Variants in KATNAL1 observed in about 807,000 individuals in gnomAD.
The protein encoded by KATNAL1 is katanin catalytic subunit A1 like 1.
A neutral mutation model predicts 55.2 loss-of-function variants in KATNAL1; 32 were observed. The ratio of observed to expected loss-of-function variants is 0.58; its 90% confidence interval spans 0.44 to 0.78. The LOEUF is 0.78. Ranked by LOEUF, KATNAL1 falls within the 30% of genes least tolerant of loss-of-function variation. KATNAL1 has a pLI of 0.00. For missense variants in KATNAL1, 466 were observed against 600.9 expected, an observed-to-expected ratio of 0.78 and a Z score of 2.35; for synonymous variants, 193 against 193.6, an observed-to-expected ratio of 1.00 and a Z score of 0.02.
chr13:30,279,979 T>A, intron 3 of KATNAL1, 84 bp downstream of exon 3: 1 of 1,235,012 alleles, frequency 8.1e-7, no homozygotes, highest in East Asian at 2.5e-5. Context: ...CCAAAAATAA[T>A]TTTTCATACT....
chr13:30,291,201 C>T (rs1242177679), intron 1 of KATNAL1, among the ~76,000 whole-genome samples: 1 of 152,208 alleles, frequency 6.6e-6, no homozygotes, highest in East Asian at 1.9e-4. Context: ...CCTAGGGAAT[C>T]TGCAAATAGC....
intron 4 of KATNAL1, among the ~76,000 whole-genome samples, chr13:30,251,748 C>T (rs1271372191): frequency 2.0e-5 from 3 of 152,176 alleles, no homozygotes; most frequent in Non-Finnish European, 4.4e-5. Context: ...AGGCCAGGAG[C>T]TACATTTCAT....
At chr13:30,259,455 A>G (rs1879068437) in intron 3 of KATNAL1, among the ~76,000 whole-genome samples, 1 of 152,100 alleles carries the variant, frequency 6.6e-6, no homozygotes, top group Non-Finnish European at 1.5e-5. Context: ...TTTCCATCTG[A>G]GGTACTGGGT....
At chr13:30,219,058 T>C (rs1874595187) in intron 9 of KATNAL1, among the ~76,000 whole-genome samples, 1 of 152,254 alleles carries the variant, frequency 6.6e-6, no homozygotes, top group South Asian at 2.1e-4. Context: ...CTAATTACAT[T>C]AGATGGCTTT....
rs1566100241 is a variant in KATNAL1, at chr13:30,239,684, G to GTTTT, written c.726+775_726+776insAAAA. 8.6e-5 allele frequency among the ~76,000 whole-genome samples: 11 copies of GTTTT among 128,392 alleles called. 1 individual carries two copies. The highest frequency in any genetic ancestry group is 8.6e-5 in the African/African-American group (3 of 35,076). The allele number at this position is 128,392 out of a possible 152,430, so 84.2% of individuals were successfully genotyped here. ...AGATATTTTGTAATGATACAGAAGT[G>GTTTT]ATTTTTTTTTTTTTTTTTTTGAGAT... On this transcript the variant is annotated intron_variant, in intron 6 of 10. Coordinates refer to ENST00000380615, the MANE Select transcript of KATNAL1 (RefSeq NM_032116.5).
At chr13:30,237,062 C>T (rs2137413106) in intron 6 of KATNAL1, among the ~76,000 whole-genome samples, 1 of 152,330 alleles carries the variant, frequency 6.6e-6, no homozygotes, top group South Asian at 2.1e-4. Context: ...CTATCAGACA[C>T]TAGTCACACT....
Position 30,256,709 on chromosome 13 carries a change from G to GA in KATNAL1, c.324-1095dup, listed in dbSNP as rs577489993. 6.9e-4 allele frequency among the ~76,000 whole-genome samples: 104 copies of GA among 150,542 alleles called. 1 individual carries two copies. The South Asian group carries it at 0.012, about 17-fold the overall frequency. ...AAACAGTAAGAAAAAGAAAAAAAAA[G>GA]AAAAAAAAATGTGTTAACATGTTGT... On this transcript the variant is annotated intron_variant, in intron 3 of 10. Transcript: ENST00000380615.
At position 30,205,272 on chromosome 13, in the gene KATNAL1, C is replaced by T. The variant is rs977272867; in HGVS notation, c.*3268G>A. On this transcript the variant is annotated 3_prime_UTR_variant, in exon 11 of 11. Coordinates refer to ENST00000380615, the MANE Select transcript of KATNAL1 (RefSeq NM_032116.5). The stretch of plus-strand genomic sequence containing the variant: ...GTAGAAGCCAGAAGCTATACAGAGT[C>T]GTTAGAGAAACTGCCAAGTTTGAAC... 4 of 152,180 alleles carry T rather than the reference C, an allele frequency of 2.6e-5. No individual in the cohort carries two copies. Among genetic ancestry groups the T allele is most frequent in the African/African-American group, 7.2e-5 (3 of 41,448 alleles). 9.4% of individuals were successfully genotyped at this position (152,180 alleles called of 1,614,324 possible).
At chr13:30,223,272 T>C (rs185442875) in intron 9 of KATNAL1, among the ~76,000 whole-genome samples, 8 of 140,940 alleles carry the variant, frequency 5.7e-5, no homozygotes, top group Admixed American at 5.5e-4. Flanking sequence ...ACTCCGTCTC[T>C]ACTACTAAAA....
chr13:30,242,101 T>C (rs757689284), intron 4 of KATNAL1, among the ~76,000 whole-genome samples: 32 of 152,144 alleles, frequency 2.1e-4, no homozygotes, highest in Non-Finnish European at 8.8e-5. Flanking sequence ...ATAGTACAGA[T>C]AGGCCAAGGC....
intron 6 of KATNAL1, 122 bp from the exon 7 acceptor site, chr13:30,231,594 G>C: frequency 1.8e-6 from 1 of 560,078 alleles, no homozygotes; most frequent in Admixed American, 4.2e-5. Context: ...AATTGTCACA[G>C]TAAAATCATG....
Position 30,283,725 on chromosome 13 carries a change from A to C in KATNAL1, c.53T>G (p.Leu18Arg). ...CATTGATGAGTCGTAATTTCCAAGAAGGGCATATTCTCTTCCTTTCTTTGC... is the reference window on the plus strand; with the variant it reads ...CATTGATGAGTCGTAATTTCCAAGACGGGCATATTCTCTTCCTTTCTTTGC... ...DNAKKGREYA[L>R]LGNYDSSMVY... Residue 18 changes from leucine to arginine, a missense_variant, in exon 2 of 11, where the codon CTT (leucine) becomes CGT (arginine). By Grantham distance (102) the Leu-to-Arg change is moderately radical. Around this residue, in one of 3 missense-constraint regions of KATNAL1, gnomAD observed 248 missense variants for 275.5 expected, o/e 0.90. Coordinates refer to ENST00000380615, the MANE Select transcript of KATNAL1 (RefSeq NM_032116.5). 6.2e-7 allele frequency: 1 copy of C among 1,613,940 alleles called. No individual in the cohort carries two copies. Among genetic ancestry groups the C allele is most frequent in the Non-Finnish European group, 8.5e-7 (1 of 1,179,872 alleles).
Position 30,215,871 on chromosome 13 carries a change from C to T in KATNAL1, c.1148-5429G>A, listed in dbSNP as rs190966440. 2.8e-3 allele frequency among the ~76,000 whole-genome samples: 426 copies of T among 152,162 alleles called. 4 individuals carry two copies. Among genetic ancestry groups the T allele is most frequent in the African/African-American group, 9.7e-3 (404 of 41,494 alleles). On this transcript the variant is annotated intron_variant, in intron 9 of 10. Transcript: ENST00000380615. ...AGCACACCAGCATGGCACATGTATA[C>T]ATATGTAACTAACCTGCCCATTGTG...
intron 3 of KATNAL1, among the ~76,000 whole-genome samples, chr13:30,264,968 C>A: frequency 1.4e-5 from 2 of 145,430 alleles, no homozygotes; most frequent in Non-Finnish European, 1.5e-5. Flanking sequence ...GACTTGGAAC[C>A]AACCCAAATG....
chr13:30,272,720 T>TA (rs1880477774), intron 3 of KATNAL1, among the ~76,000 whole-genome samples: 1 of 152,022 alleles, frequency 6.6e-6, no homozygotes, highest in Non-Finnish European at 1.5e-5. Context: ...AATGGAAACT[T>TA]AAGAGTGACC....
At chr13:30,256,809 A>C (rs968529924) in intron 3 of KATNAL1, among the ~76,000 whole-genome samples, 5 of 152,214 alleles carry the variant, frequency 3.3e-5, no homozygotes, top group Non-Finnish European at 7.3e-5. Flanking sequence ...CAAAAACCGT[A>C]TGTCTATCTA....
At chr13:30,245,947 A>G (rs979855910) in intron 4 of KATNAL1, among the ~76,000 whole-genome samples, 2 of 152,216 alleles carry the variant, frequency 1.3e-5, no homozygotes, top group African/African-American at 4.8e-5. Context: ...AGAAGAATCA[A>G]TATCGTGAAA....
intron 3 of KATNAL1, among the ~76,000 whole-genome samples, chr13:30,260,974 G>A (rs1356798035): frequency 6.6e-6 from 1 of 151,554 alleles, no homozygotes; most frequent in African/African-American, 2.4e-5. Flanking sequence ...AGAGAGAAAG[G>A]TCGGGTTACC....
intron 1 of KATNAL1, among the ~76,000 whole-genome samples, chr13:30,303,456 T>C (rs1016307106): frequency 5.3e-5 from 8 of 152,184 alleles, no homozygotes; most frequent in African/African-American, 1.9e-4. Flanking sequence ...TCCCAGCCAC[T>C]GGGGAGGCTG....
Sources: gnomAD v4.1 joint callset for allele counts (sites outside exome capture counted in the v4.1 genomes callset) on GRCh38, gnomAD v4.1.1 for gene constraint, gnomAD v4.1.1 regional missense constraint, MANE v1.5 for transcripts, NCBI Gene and HGNC (gene_info 2026-07-23, HGNC 2026-07-21) for gene names.